PCGF5: variants seen among roughly 807,000 people sequenced by gnomAD.
PCGF5 encodes polycomb group RING finger protein 5.
PCGF5 carries 9 observed loss-of-function variants against 44.3 expected under a neutral mutation model. That is an observed-to-expected ratio of 0.20 (90% confidence interval 0.12 to 0.35). PCGF5 has a LOEUF of 0.35. PCGF5 is among the 10% of genes least tolerant of loss of function. PCGF5 has a pLI of 1.00. For synonymous variants in PCGF5, 95 were observed against 102.5 expected (o/e 0.93, Z 0.44); for missense variants, 146 against 305.3 (o/e 0.48, Z 3.89).
At chr10:91,264,352 T>A in intron 7 of PCGF5, 79 bp from the exon 8 acceptor site, 1 of 1,122,150 alleles carries the variant, frequency 8.9e-7, no homozygotes, top group Non-Finnish European at 1.3e-6. Context: ...TTTGAATATT[T>A]TTTGAAATTT....
At chr10:91,177,133 C>A (rs1279277780) in intron 1 of PCGF5, among the ~76,000 whole-genome samples, 2 of 152,192 alleles carry the variant, frequency 1.3e-5, no homozygotes, top group Non-Finnish European at 2.9e-5. Context: ...CAGTCAGGAC[C>A]CTCAGCTGCA....
intron 5 of PCGF5, among the ~76,000 whole-genome samples, chr10:91,249,116 T>G (rs1354963685): frequency 6.6e-6 from 1 of 151,890 alleles, no homozygotes; most frequent in East Asian, 1.9e-4. Context: ...GAGAGGGAGC[T>G]GAGATGTGGC....
intron 1 of PCGF5, among the ~76,000 whole-genome samples, chr10:91,189,610 C>T (rs1843995521): frequency 6.6e-6 from 1 of 152,174 alleles, no homozygotes. Flanking sequence ...TATATACATA[C>T]ATATCTACAT....
intron 1 of PCGF5, among the ~76,000 whole-genome samples, chr10:91,207,014 G>A (rs1357016423): frequency 1.3e-5 from 2 of 152,136 alleles, no homozygotes; most frequent in Non-Finnish European, 2.9e-5. Context: ...TGCAAGGTCC[G>A]TGAGAACAGG....
rs551149260 is a variant in PCGF5 at position 91,194,716 on chromosome 10, G to A, written c.-183-27973G>A. 5.3e-5 allele frequency among the ~76,000 whole-genome samples: 8 copies of A among 152,298 alleles called. No individual in the cohort carries two copies. In the South Asian group the frequency reaches 1.4e-3, roughly 28 times the overall value. Reference sequence around the variant, plus strand: ...AGCATAGAGATGGTTTAAAGCCACAGACTGAATGAGATCACCAAGAGCATA... The same window carrying A: ...AGCATAGAGATGGTTTAAAGCCACAAACTGAATGAGATCACCAAGAGCATA... On this transcript the variant is annotated intron_variant, in intron 1 of 9. Transcript: ENST00000614189.
Position 91,248,654 on chromosome 10 carries a change from T to A in PCGF5, c.266-11T>A. 6.2e-7 allele frequency: 1 copy of A among 1,604,910 alleles called. No homozygotes were observed. The stretch of plus-strand genomic sequence containing the variant: ...ATGACTTTTACTTTTATACTCTTTC[T>A]TTTAAATTAGAAGAACTTGAGCGTG... On this transcript the variant is annotated splice_polypyrimidine_tract_variant and intron_variant, in intron 4 of 9. Coordinates refer to ENST00000336126, the MANE Select transcript of PCGF5 (RefSeq NM_032373.5).
upstream of PCGF5, among the ~76,000 whole-genome samples, chr10:91,218,821 G>T (rs2133266555): frequency 6.6e-6 from 1 of 152,084 alleles, no homozygotes; most frequent in East Asian, 1.9e-4. Context: ...GTAGAGATGG[G>T]GTTTCGCCAT....
intron 2 of PCGF5, among the ~76,000 whole-genome samples, chr10:91,238,629 T>C (rs1189076925): frequency 3.6e-4 from 43 of 119,530 alleles, no homozygotes; most frequent in Middle Eastern, 4.3e-3. Flanking sequence ...TTTTTTTTTT[T>C]TTGCCTCTTT....
At chr10:91,246,088 T>G (rs1845454385) in intron 3 of PCGF5, among the ~76,000 whole-genome samples, 2 of 152,244 alleles carry the variant, frequency 1.3e-5, no homozygotes, top group South Asian at 4.1e-4. Flanking sequence ...TGTAAGGAAG[T>G]GATTTAATGA....
At chr10:91,260,398 G>A (rs1845868300) in intron 6 of PCGF5, among the ~76,000 whole-genome samples, 1 of 152,226 alleles carries the variant, frequency 6.6e-6, no homozygotes, top group African/African-American at 2.4e-5. Context: ...GGAAGTCGAT[G>A]TGGCGATTCT....
intron 1 of PCGF5, among the ~76,000 whole-genome samples, chr10:91,205,640 C>T (rs568219219): frequency 6.6e-6 from 1 of 152,146 alleles, no homozygotes; most frequent in Non-Finnish European, 1.5e-5. Context: ...AGATTCCTTG[C>T]CCTGCATCGG....
chr10:91,278,159 A>G, intron 9 of PCGF5, 110 bp from the exon 10 acceptor site: 1 of 864,062 alleles, frequency 1.2e-6, no homozygotes, highest in Non-Finnish European at 1.8e-6. Context: ...AATCACTAGT[A>G]CCAGGAAATA....
At chr10:91,243,403 T>C (rs1321424726) in intron 3 of PCGF5, among the ~76,000 whole-genome samples, 2 of 152,216 alleles carry the variant, frequency 1.3e-5, no homozygotes, top group Admixed American at 1.3e-4. Context: ...GAATTTAGGC[T>C]CCTTCATTAG....
intron 2 of PCGF5, chr10:91,227,275 C>T (rs1055455580): frequency 2.0e-6 from 1 of 498,204 alleles, no homozygotes; most frequent in Non-Finnish European, 3.7e-6. Context: ...TATTCTGAGA[C>T]TTCAGCTACC....
At chr10:91,236,318 CT>C (rs1845162898) in intron 2 of PCGF5, among the ~76,000 whole-genome samples, 1 of 152,182 alleles carries the variant, frequency 6.6e-6, no homozygotes, top group Non-Finnish European at 1.5e-5. Context: ...ACTGTCCATA[CT>C]ATAATCCATA....
At chr10:91,177,210 G>T (rs184595722) in intron 1 of PCGF5, among the ~76,000 whole-genome samples, 9 of 152,338 alleles carry the variant, frequency 5.9e-5, no homozygotes, top group Admixed American at 5.9e-4. Flanking sequence ...AGCAGAGGCT[G>T]CAGAACAGCG....
At chr10:91,222,157 C>G (rs1465221671) in intron 1 of PCGF5, among the ~76,000 whole-genome samples, 1 of 152,012 alleles carries the variant, frequency 6.6e-6, no homozygotes, top group Non-Finnish European at 1.5e-5. Flanking sequence ...ATAAGAAGAC[C>G]CAACCAAGTG....
At chr10:91,230,315 G>C (rs1414229390) in intron 2 of PCGF5, among the ~76,000 whole-genome samples, 1 of 152,046 alleles carries the variant, frequency 6.6e-6, no homozygotes, top group African/African-American at 2.4e-5. Context: ...TCAGTATACA[G>C]GTATGTTTAA....
chr10:91,246,956 T>C (rs1473964080), intron 3 of PCGF5, among the ~76,000 whole-genome samples: 2 of 117,586 alleles, frequency 1.7e-5, no homozygotes, highest in African/African-American at 6.5e-5. Context: ...GATAGATAGA[T>C]GGATAGATGG....
Sources: gnomAD v4.1 joint callset for allele counts (sites outside exome capture counted in the v4.1 genomes callset) on GRCh38, gnomAD v4.1.1 for gene constraint, MANE v1.5 for transcripts, NCBI Gene and HGNC (gene_info 2026-07-23, HGNC 2026-07-21) for gene names.